MAML2: variants seen among roughly 807,000 people sequenced by gnomAD.
MAML2 encodes mastermind like transcriptional coactivator 2, also known as mastermind-like protein 2.
In MAML2, 22 loss-of-function variants were observed where a neutral mutation model predicts 96.1. That is an observed-to-expected ratio of 0.23 (90% confidence interval 0.16 to 0.33). MAML2 has a LOEUF of 0.33. MAML2 is among the 10% of genes least tolerant of loss of function. MAML2 has a pLI of 1.00. For synonymous variants in MAML2, 561 were observed against 521.3 expected, an observed-to-expected ratio of 1.08 and a Z score of -1.04; for missense variants, 1,367 against 1,392.4, an observed-to-expected ratio of 0.98 and a Z score of 0.29.
At chr11:95,992,726 C>T (rs2135710878) in intron 2 of MAML2, among the ~76,000 whole-genome samples, 1 of 152,288 alleles carries the variant, frequency 6.6e-6, no homozygotes, top group Admixed American at 6.5e-5. Context: ...TCAGAATGAT[C>T]TGGGAATCAG....
intron 2 of MAML2, among the ~76,000 whole-genome samples, chr11:95,995,868 A>G (rs1434947226): frequency 6.6e-6 from 1 of 152,198 alleles, no homozygotes; most frequent in Non-Finnish European, 1.5e-5. Flanking sequence ...ATCTGGGAAG[A>G]TAAGCTACAC....
intron 2 of MAML2, among the ~76,000 whole-genome samples, chr11:96,084,849 T>G (rs1321284825): frequency 6.6e-6 from 1 of 152,194 alleles, no homozygotes; most frequent in East Asian, 1.9e-4. Context: ...AATTCATGTT[T>G]CATAAAGGTG....
intron 1 of MAML2, among the ~76,000 whole-genome samples, chr11:96,129,140 C>T (rs1487326669): frequency 2.6e-5 from 4 of 152,050 alleles, no homozygotes; most frequent in African/African-American, 7.3e-5. Flanking sequence ...TCAGGGCAGC[C>T]GTTATGTTCA....
intron 2 of MAML2, among the ~76,000 whole-genome samples, chr11:96,085,283 C>T (rs755409083): frequency 6.6e-5 from 10 of 152,244 alleles, no homozygotes; most frequent in East Asian, 5.8e-4. Context: ...AACATTTGTA[C>T]GGTCTTCTGT....
intron 1 of MAML2, among the ~76,000 whole-genome samples, chr11:96,339,219 A>G (rs554953351): frequency 2.0e-5 from 3 of 152,328 alleles, no homozygotes; most frequent in Admixed American, 6.5e-5. Flanking sequence ...AGAAGAGAGA[A>G]AGATTCCCTC....
rs1219795478 is a variant in MAML2, at chr11:96,122,570, A to T, written c.514-29053T>A. Among the ~76,000 whole-genome samples, 3 of 151,772 alleles carry T rather than the reference A, an allele frequency of 2.0e-5. No individual in the cohort carries two copies. The East Asian group carries it at 5.8e-4, about 29-fold the overall frequency. On this transcript the variant is annotated intron_variant, in intron 1 of 4. Transcript: ENST00000524717. ...TGTTTGTGTATGAGATTTTTTCCCCATAGAAAATATAAGCAATTCAGTCAT... is the reference window on the plus strand; with the variant it reads ...TGTTTGTGTATGAGATTTTTTCCCCTTAGAAAATATAAGCAATTCAGTCAT...
intron 1 of MAML2, among the ~76,000 whole-genome samples, chr11:96,332,267 G>A (rs1057378320): frequency 1.3e-5 from 2 of 152,212 alleles, no homozygotes; most frequent in Non-Finnish European, 2.9e-5. Context: ...GCAGATCGGA[G>A]AGGTGAAAGG....
chr11:96,301,813 T>C (rs1174899693), intron 1 of MAML2, among the ~76,000 whole-genome samples: 3 of 152,234 alleles, frequency 2.0e-5, no homozygotes, highest in South Asian at 2.1e-4. Flanking sequence ...CTTTTACTTA[T>C]ACAAATTAAT....
rs148837202 is a variant in MAML2, at chr11:96,009,373, T to C, written c.2140-17650A>G. The stretch of plus-strand genomic sequence containing the variant: ...ATTCAAACACCCTACTATTGCTTTC[T>C]ATACCAGGAAGGTGCTAATCTTTGA... On this transcript the variant is annotated intron_variant, in intron 2 of 4. Transcript: ENST00000524717. 3.9e-5 allele frequency among the ~76,000 whole-genome samples: 6 copies of C among 152,350 alleles called. No individual in the cohort carries two copies. The East Asian group carries it at 1.2e-3, about 29-fold the overall frequency.
chr11:96,296,531 T>C (rs1863302600), intron 1 of MAML2, among the ~76,000 whole-genome samples: 1 of 152,054 alleles, frequency 6.6e-6, no homozygotes, highest in Admixed American at 6.6e-5. Context: ...TAATCCCAGC[T>C]ACTGGGGAGG....
intron 1 of MAML2, among the ~76,000 whole-genome samples, chr11:96,162,120 C>T (rs1323477643): frequency 6.6e-6 from 1 of 150,730 alleles, no homozygotes; most frequent in East Asian, 1.9e-4. Flanking sequence ...AGTTAAAGGG[C>T]ATGTACATAA....
chr11:96,255,109 C>G (rs759642134), intron 1 of MAML2, among the ~76,000 whole-genome samples: 1 of 152,164 alleles, frequency 6.6e-6, no homozygotes, highest in East Asian at 1.9e-4. Flanking sequence ...GGATTACAGG[C>G]GCAAGTTACC....
chr11:95,989,418 G>A (rs1857876393), intron 3 of MAML2, among the ~76,000 whole-genome samples: 1 of 152,168 alleles, frequency 6.6e-6, no homozygotes, highest in South Asian at 2.1e-4. Flanking sequence ...GACTCAACTG[G>A]GGCCCAGTGG....
At chr11:96,143,994 C>T (rs1415745152) in intron 1 of MAML2, among the ~76,000 whole-genome samples, 2 of 152,180 alleles carry the variant, frequency 1.3e-5, no homozygotes, top group Non-Finnish European at 2.9e-5. Flanking sequence ...TAAGTATCAT[C>T]CTGGAGTTCT....
chr11:96,041,124 C>T (rs11021397), intron 2 of MAML2, among the ~76,000 whole-genome samples: 3 of 152,014 alleles, frequency 2.0e-5, no homozygotes, highest in African/African-American at 4.8e-5. Flanking sequence ...CTGCTATGAA[C>T]ATTCTGAACA....
At chr11:96,028,968 G>A (rs963409886) in intron 2 of MAML2, among the ~76,000 whole-genome samples, 2 of 152,126 alleles carry the variant, frequency 1.3e-5, no homozygotes, top group Admixed American at 6.5e-5. Flanking sequence ...GCTTTTGCCA[G>A]ATTTATGGCA....
At chr11:96,170,318 T>C (rs1174571898) in intron 1 of MAML2, among the ~76,000 whole-genome samples, 1 of 152,234 alleles carries the variant, frequency 6.6e-6, no homozygotes, top group South Asian at 2.1e-4. Context: ...AAGTAATTAA[T>C]GGAATTTAAA....
At position 96,093,131 on chromosome 11, in the gene MAML2, T is replaced by C. The variant is rs746734389; in HGVS notation, c.900A>G (p.Gln300=). The C allele has an allele frequency of 1.9e-6, 3 of 1,613,990 alleles. No individual in the cohort carries two copies. Among genetic ancestry groups the C allele is most frequent in the South Asian group, 2.2e-5 (2 of 91,072 alleles). The change falls in exon 2 of 5, where the codon CAA becomes CAG. Residue 300 remains glutamine, a synonymous_variant. Coordinates refer to ENST00000524717, the MANE Select transcript of MAML2 (RefSeq NM_032427.4). The part of the protein sequence containing the change: ...PNRYGDDPGE[Q]LMDPELQELF... ...GTTCCTGCAGCTCAGGATCCATCAG[T>C]TGTTCTCCAGGGTCGTCTCCGTACC...
At chr11:96,281,810 C>T (rs1863071042) in intron 1 of MAML2, among the ~76,000 whole-genome samples, 2 of 152,030 alleles carry the variant, frequency 1.3e-5, no homozygotes, top group Non-Finnish European at 2.9e-5. Context: ...GTCAAAGCTA[C>T]AGTGGGCTCT....
Sources: allele counts gnomAD v4.1 joint callset (sites outside exome capture counted in the v4.1 genomes callset), GRCh38; gene constraint gnomAD v4.1.1; transcripts MANE v1.5; gene names NCBI Gene and HGNC (gene_info 2026-07-23, HGNC 2026-07-21).